Variants in RGS6 observed in about 807,000 individuals in gnomAD.
RGS6 encodes regulator of G-protein signaling 6.
A neutral mutation model predicts 78.5 loss-of-function variants in RGS6; 30 were observed. The observed-to-expected ratio is 0.38, with a 90% CI of 0.29 to 0.52. The LOEUF (loss-of-function observed/expected upper bound fraction) is 0.52. Ranked by LOEUF, RGS6 falls within the 20% of genes least tolerant of loss-of-function variation. The pLI, the probability that RGS6 is intolerant of heterozygous loss-of-function variation, is 0.85. For synonymous variants in RGS6, 206 were observed against 206.0 expected, an observed-to-expected ratio of 1.00 and a Z score of 0.00; for missense variants, 495 against 609.7, an observed-to-expected ratio of 0.81 and a Z score of 1.98.
intron 2 of RGS6, among the ~76,000 whole-genome samples, chr14:71,971,050 G>A (rs2093772129): frequency 6.6e-6 from 1 of 152,172 alleles, no homozygotes; most frequent in Non-Finnish European, 1.5e-5. Flanking sequence ...TATGAAGCTA[G>A]GTTTCTGTGA....
chr14:72,478,596 G>T (rs1437417311), intron 12 of RGS6, among the ~76,000 whole-genome samples: 1 of 152,200 alleles, frequency 6.6e-6, no homozygotes, highest in Non-Finnish European at 1.5e-5. Flanking sequence ...GTCCTTTAAA[G>T]CTACATAATG....
chr14:72,140,660 C>G (rs958088825), intron 2 of RGS6, among the ~76,000 whole-genome samples: 5 of 152,236 alleles, frequency 3.3e-5, no homozygotes, highest in African/African-American at 1.2e-4. Context: ...AACAACACAT[C>G]TGAGTAAAAG....
At chr14:72,484,958 T>A (rs2096461633) in intron 12 of RGS6, among the ~76,000 whole-genome samples, 1 of 147,840 alleles carries the variant, frequency 6.8e-6, no homozygotes. Flanking sequence ...TTTTTTGCCA[T>A]TACTAAAGGT....
At chr14:72,372,399 A>G (rs1421058360) in intron 3 of RGS6, among the ~76,000 whole-genome samples, 2 of 152,198 alleles carry the variant, frequency 1.3e-5, no homozygotes, top group African/African-American at 4.8e-5. Context: ...CATTTTCTAG[A>G]TCCAAGAAGG....
intron 2 of RGS6, among the ~76,000 whole-genome samples, chr14:72,349,528 G>T (rs546379981): frequency 5.9e-5 from 9 of 152,290 alleles, no homozygotes; most frequent in Middle Eastern, 3.4e-3. Context: ...GTCAGGAACT[G>T]GGGGGCAATA....
rs543649431 is a variant in RGS6, at chr14:72,500,656, G to A, written c.965+5394G>A. Among the ~76,000 whole-genome samples the A allele has an allele frequency of 4.6e-4, 70 of 152,344 alleles. 1 individual carries two copies. In the South Asian group the frequency reaches 0.014, roughly 31 times the overall value. On this transcript the variant is annotated intron_variant, in intron 13 of 17. Transcript: ENST00000553525. ...GGCAAAGGACATTAAGCCACTTGGG[G>A]CAGAAGGTAAGGCCCTAAGGGCAGA...
intron 2 of RGS6, among the ~76,000 whole-genome samples, chr14:72,146,410 C>G (rs1439551825): frequency 6.6e-6 from 1 of 152,164 alleles, no homozygotes; most frequent in Non-Finnish European, 1.5e-5. Flanking sequence ...CTCTAAAAAT[C>G]TTAACTCATT....
At chr14:72,120,058 A>C (rs182153281) in intron 2 of RGS6, among the ~76,000 whole-genome samples, 183 of 152,328 alleles carry the variant, frequency 1.2e-3, no homozygotes, top group African/African-American at 4.3e-3. Context: ...TCAGACAGCA[A>C]TTGTGAAGTT....
intron 1 of RGS6, among the ~76,000 whole-genome samples, chr14:71,961,173 G>C (rs1364858337): frequency 1.3e-5 from 2 of 152,178 alleles, no homozygotes; most frequent in African/African-American, 2.4e-5. Context: ...TTTATTCTTT[G>C]AGACATTGAG....
Position 72,530,835 on chromosome 14 carries a change from C to G in RGS6, c.1279-5351C>G, listed in dbSNP as rs967462795. Among the ~76,000 whole-genome samples the G allele has an allele frequency of 4.6e-5, 7 of 152,246 alleles. No homozygotes were observed. The East Asian group carries it at 1.3e-3, about 29-fold the overall frequency. On this transcript the variant is annotated intron_variant, in intron 15 of 17. Transcript: ENST00000553525. The stretch of plus-strand genomic sequence containing the variant: ...CTGAGCTGAGTGTAATCCTCATTCT[C>G]CTTCTGTGCAGAGAGCAGGAACTTG...
chr14:72,196,373 T>C (rs1447530377), intron 2 of RGS6, among the ~76,000 whole-genome samples: 1 of 152,152 alleles, frequency 6.6e-6, no homozygotes, highest in African/African-American at 2.4e-5. Context: ...ATTAGTTAGC[T>C]GGTAATTAGG....
At chr14:72,312,334 A>G (rs2068849668) in intron 2 of RGS6, among the ~76,000 whole-genome samples, 1 of 151,444 alleles carries the variant, frequency 6.6e-6, no homozygotes, top group Admixed American at 6.6e-5. Flanking sequence ...ATTCTCATGC[A>G]GTTCTATTAT....
chr14:71,966,436 A>G (rs1339543606), intron 2 of RGS6, among the ~76,000 whole-genome samples: 2 of 152,254 alleles, frequency 1.3e-5, no homozygotes, highest in Non-Finnish European at 2.9e-5. Context: ...GGACTCAGCA[A>G]TTAGTGAAAC....
intron 9 of RGS6, among the ~76,000 whole-genome samples, chr14:72,473,274 G>T (rs1477656032): frequency 3.3e-5 from 5 of 152,152 alleles, no homozygotes; most frequent in Admixed American, 6.5e-5. Context: ...AAACCCCGTC[G>T]CTACTAAAAA....
chr14:72,625,648 A>G, the RGS6 span, among the ~76,000 whole-genome samples: 1 of 152,236 alleles, frequency 6.6e-6, no homozygotes, highest in Non-Finnish European at 1.5e-5. Flanking sequence ...CAGCTAGGAA[A>G]TAAATGTATG....
At chr14:72,541,138 A>G in intron 17 of RGS6, 1 of 1,370,814 alleles carries the variant, frequency 7.3e-7, no homozygotes, top group Non-Finnish European at 9.7e-7. Flanking sequence ...AGCTGGCCAC[A>G]TTCCCTTCCC....
intron 2 of RGS6, among the ~76,000 whole-genome samples, chr14:72,350,362 T>A (rs879934169): frequency 2.0e-5 from 3 of 152,158 alleles, no homozygotes; most frequent in Non-Finnish European, 4.4e-5. Flanking sequence ...CCTGGGTAGC[T>A]GTGTGACCCT....
intron 2 of RGS6, among the ~76,000 whole-genome samples, chr14:72,193,045 T>G (rs1012329732): frequency 1.3e-4 from 20 of 150,156 alleles, no homozygotes; most frequent in Non-Finnish European, 1.0e-4. Context: ...CAGGCTGGAG[T>G]GCAGTGGCAC....
At chr14:72,358,180 G>A (rs2080742186) in intron 3 of RGS6, among the ~76,000 whole-genome samples, 1 of 152,234 alleles carries the variant, frequency 6.6e-6, no homozygotes, top group African/African-American at 2.4e-5. Context: ...ACACCTGGAT[G>A]TCCAGGCAGA....
Sources: allele counts gnomAD v4.1 joint callset (sites outside exome capture counted in the v4.1 genomes callset), GRCh38; gene constraint gnomAD v4.1.1; transcripts MANE v1.5; gene names NCBI Gene and HGNC (gene_info 2026-07-23, HGNC 2026-07-21).